Variants in METTL8 observed in about 807,000 individuals in gnomAD.
METTL8 encodes the protein tRNA N(3)-cytidine methyltransferase METTL8, mitochondrial.
METTL8 carries 32 observed loss-of-function variants against 48.7 expected under a neutral mutation model. That is an observed-to-expected ratio of 0.66 (90% confidence interval 0.50 to 0.88). METTL8 has a LOEUF of 0.88. METTL8 is among the 40% of genes least tolerant of loss of function. The pLI is 0.00. For synonymous variants in METTL8, 136 were observed against 157.1 expected, an observed-to-expected ratio of 0.87 and a Z score of 1.01; for missense variants, 464 against 474.4, an observed-to-expected ratio of 0.98 and a Z score of 0.20.
At position 171,389,514 on chromosome 2, in the gene METTL8, CAAAAAAAAAA is replaced by C. The variant is rs56087323; in HGVS notation, c.143+2519_143+2528del. 7.7e-5 allele frequency among the ~76,000 whole-genome samples: 4 copies of C among 52,026 alleles called. 1 individual carries two copies. Among genetic ancestry groups the C allele is most frequent in the South Asian group, 1.1e-3 (1 of 936 alleles). The allele number at this position is 52,026 out of a possible 152,430, so 34.1% of individuals were successfully genotyped here. ...TGGGTGACAGAGTCTCCCTGTCTCA[CAAAAAAAAAA>C]AAAAAAAAAAAAAAAAAAATGCTGC... On this transcript the variant is annotated intron_variant, in intron 2 of 9. Coordinates refer to ENST00000375258, the MANE Select transcript of METTL8 (RefSeq NM_001321154.2).
chr2:171,355,974 C>A (rs1242214178), intron 3 of METTL8, among the ~76,000 whole-genome samples: 1 of 152,138 alleles, frequency 6.6e-6, no homozygotes, highest in Non-Finnish European at 1.5e-5. Flanking sequence ...CATCCACTGT[C>A]CTGCACCCAC....
At chr2:171,363,380 G>C (rs1001518223) in intron 2 of METTL8, among the ~76,000 whole-genome samples, 1 of 151,774 alleles carries the variant, frequency 6.6e-6, no homozygotes, top group Non-Finnish European at 1.5e-5. Flanking sequence ...CTGACAATAA[G>C]AATCATACAA....
intron 2 of METTL8, among the ~76,000 whole-genome samples, chr2:171,380,507 C>G (rs1687411194): frequency 6.6e-6 from 1 of 152,182 alleles, no homozygotes; most frequent in African/African-American, 2.4e-5. Context: ...ACCCCATGGT[C>G]TCAGCCCAAA....
At chr2:171,412,955 T>G (rs934273281) in intron 1 of METTL8, among the ~76,000 whole-genome samples, 3 of 152,228 alleles carry the variant, frequency 2.0e-5, no homozygotes, top group Non-Finnish European at 4.4e-5. Context: ...GCTTTCTAAT[T>G]CTTAAACACT....
chr2:171,356,988 G>A (rs942897627), intron 3 of METTL8, among the ~76,000 whole-genome samples: 2 of 74,346 alleles, frequency 2.7e-5, no homozygotes, highest in African/African-American at 9.9e-5. Flanking sequence ...GTCTTACTCT[G>A]TCACCCAGGC....
At chr2:171,369,621 A>G (rs984035771) in intron 2 of METTL8, among the ~76,000 whole-genome samples, 1 of 152,372 alleles carries the variant, frequency 6.6e-6, no homozygotes, top group Middle Eastern at 3.4e-3. Flanking sequence ...ATCCATATCC[A>G]TAAGAAGTCT....
In METTL8 at chr2:171,392,187, C is replaced by G; in HGVS notation, c.-2G>C. 3.2e-6 allele frequency: 5 copies of G among 1,550,516 alleles called. No individual in the cohort carries two copies. The highest frequency in any genetic ancestry group is 4.4e-6 in the Non-Finnish European group (5 of 1,146,528). ...GGAATTTCTCCAAATCATATTCATC[C>G]TAAGCAGTACCTAAAAAGTTACAAA... On this transcript the variant is annotated 5_prime_UTR_variant, in exon 2 of 10. Transcript: ENST00000375258.
chr2:171,409,191 T>C (rs1433564848), intron 1 of METTL8, among the ~76,000 whole-genome samples: 1 of 152,244 alleles, frequency 6.6e-6, no homozygotes, highest in East Asian at 1.9e-4. Context: ...TGTCAGTTCA[T>C]GATTTTTTAG....
intron 2 of METTL8, among the ~76,000 whole-genome samples, chr2:171,373,809 T>G (rs1686640304): frequency 6.6e-6 from 1 of 151,758 alleles, no homozygotes; most frequent in South Asian, 2.1e-4. Context: ...GTATTATTTC[T>G]GAGGGCTCTG....
intron 1 of METTL8, among the ~76,000 whole-genome samples, chr2:171,420,753 A>G (rs529778302): frequency 3.3e-5 from 5 of 152,212 alleles, no homozygotes; most frequent in South Asian, 4.1e-4. Flanking sequence ...AAGTATATCA[A>G]TGTAATTTGC....
chr2:171,356,742 T>C lies in METTL8; in HGVS notation c.235+3680A>G, dbSNP rs530871103. Among the ~76,000 whole-genome samples, 3 of 152,254 alleles carry C rather than the reference T, an allele frequency of 2.0e-5. No individual in the cohort carries two copies. The South Asian group carries it at 6.2e-4, about 32-fold the overall frequency. ...GCTGCAAATGATAAGATTTCATTCT[T>C]TTTTTATGGCAGAATAATATTCCAT... On this transcript the variant is annotated intron_variant, in intron 3 of 9. Transcript: ENST00000375258.
chr2:171,394,131 G>A (rs1688836158), intron 1 of METTL8, among the ~76,000 whole-genome samples: 1 of 152,132 alleles, frequency 6.6e-6, no homozygotes, highest in Admixed American at 6.6e-5. Context: ...GCCTGCCAAT[G>A]TTCCACATAA....
At chr2:171,336,863 C>T (rs201613644) in intron 5 of METTL8, among the ~76,000 whole-genome samples, 49 of 88,088 alleles carry the variant, frequency 5.6e-4, no homozygotes, top group Non-Finnish European at 7.3e-4. Context: ...ATCACTTCCT[C>T]TTTTTTTTTT....
At chr2:171,410,314 T>C (rs1380820031) in intron 1 of METTL8, among the ~76,000 whole-genome samples, 1 of 152,240 alleles carries the variant, frequency 6.6e-6, no homozygotes, top group Non-Finnish European at 1.5e-5. Flanking sequence ...TTATTTTAAA[T>C]GGTCTTAGAA....
In METTL8 at chr2:171,337,499, CA is replaced by C; in HGVS notation, c.609del (p.Gly204ValfsTer12). 3 of 1,603,782 alleles carry C rather than the reference CA, an allele frequency of 1.9e-6. No homozygotes were observed. The highest frequency in any genetic ancestry group is 2.6e-6 in the Non-Finnish European group (3 of 1,174,924). ...AACACACTATTTCCAGCTCCACAAC[CA>C]ACCTAAAATCAAAAGAACAAGCAAA... Reference protein sequence around the residue: ...GSNATFRILEVGCGAGNSVFP... With the variant: ...GSNATFRILEXGCGAGNSVFP... On this transcript the variant is annotated frameshift_variant and splice_region_variant, in exon 5 of 10. Coordinates refer to ENST00000375258, the MANE Select transcript of METTL8 (RefSeq NM_001321154.2). LOFTEE classifies it high-confidence loss of function.
intron 1 of METTL8, among the ~76,000 whole-genome samples, chr2:171,420,064 G>A (rs1267305657): frequency 6.6e-6 from 1 of 151,914 alleles, no homozygotes. Context: ...GAGAAACAAA[G>A]TGTTGGCTGG....
chr2:171,334,765 G>C (rs1685909206), intron 5 of METTL8, among the ~76,000 whole-genome samples: 1 of 152,162 alleles, frequency 6.6e-6, no homozygotes, highest in Non-Finnish European at 1.5e-5. Flanking sequence ...GGAACCAAGA[G>C]CTTGCAATTA....
At position 171,429,585 on chromosome 2, in the gene METTL8, T is replaced by C. The variant is rs557450058; in HGVS notation, c.-13+4298A>G. On this transcript the variant is annotated intron_variant, in intron 1 of 9. Coordinates refer to ENST00000375258, the MANE Select transcript of METTL8 (RefSeq NM_001321154.2). ...TGTAAATGTTCGGGTGTTATCGGTG[T>C]ATAAAAGATACAACACACACATAAA... 7.9e-5 allele frequency among the ~76,000 whole-genome samples: 12 copies of C among 152,288 alleles called. No homozygotes were observed. The South Asian group carries it at 1.9e-3, about 24-fold the overall frequency.
rs1388120452 is a variant in METTL8 at position 171,407,348 on chromosome 2, A to G, written c.-12-15151T>C. Among the ~76,000 whole-genome samples the G allele has an allele frequency of 2.6e-5, 4 of 152,004 alleles. No individual in the cohort carries two copies. In the South Asian group the frequency reaches 8.3e-4, roughly 32 times the overall value. On this transcript the variant is annotated intron_variant, in intron 1 of 9. Coordinates refer to ENST00000375258, the MANE Select transcript of METTL8 (RefSeq NM_001321154.2). ...CCCGGACTCTAAAAGCGGGGGGGAA[A>G]TGGAAAGAAACAGGGGAGGGAGAAG... is the stretch of plus-strand genomic sequence containing the variant.
Sources: allele counts gnomAD v4.1 joint callset (sites outside exome capture counted in the v4.1 genomes callset), GRCh38; gene constraint gnomAD v4.1.1; transcripts MANE v1.5; gene names NCBI Gene and HGNC (gene_info 2026-07-23, HGNC 2026-07-21).